Variants in COMMD1 observed in about 807,000 individuals in gnomAD.
COMMD1 encodes COMM domain-containing protein 1.
COMMD1 carries 10 observed loss-of-function variants against 17.2 expected under a neutral mutation model. The observed-to-expected ratio is 0.58, with a 90% confidence interval of 0.36 to 0.99. The LOEUF (loss-of-function observed/expected upper bound fraction) is 0.99, where lower values mean the gene tolerates loss of function less well. COMMD1 is among the 50% of genes least tolerant of loss of function. The pLI, the probability that COMMD1 is intolerant of heterozygous loss-of-function variation, is 0.01. For missense variants in COMMD1, 270 were observed against 231.8 expected (o/e 1.17, Z -1.07); for synonymous variants, 97 against 91.6 (o/e 1.06, Z -0.34).
intron 1 of COMMD1, among the ~76,000 whole-genome samples, chr2:61,981,456 T>C (rs1411221368): frequency 6.6e-6 from 1 of 152,198 alleles, no homozygotes; most frequent in Non-Finnish European, 1.5e-5. Flanking sequence ...TCACTGTACA[T>C]GGATGGATTT....
At chr2:62,020,100 T>C (rs1669570752) in intron 2 of COMMD1, among the ~76,000 whole-genome samples, 1 of 152,196 alleles carries the variant, frequency 6.6e-6, no homozygotes, top group Non-Finnish European at 1.5e-5. Flanking sequence ...ATGTATGTAG[T>C]TTCTTCAGCT....
intron 2 of COMMD1, among the ~76,000 whole-genome samples, chr2:62,126,015 GT>G (rs1672876138): frequency 1.3e-5 from 2 of 152,270 alleles, no homozygotes; most frequent in South Asian, 4.2e-4. Flanking sequence ...GTGAGAACAT[GT>G]GGTGTTTGGT....
chr2:62,051,440 A>G (rs1670530752), intron 2 of COMMD1, among the ~76,000 whole-genome samples: 1 of 152,144 alleles, frequency 6.6e-6, no homozygotes, highest in Admixed American at 6.5e-5. Context: ...GAAAACTAAT[A>G]TTTTTTCATA....
intron 1 of COMMD1, among the ~76,000 whole-genome samples, chr2:61,966,357 T>A (rs1671504574): frequency 6.6e-6 from 1 of 152,212 alleles, no homozygotes; most frequent in Non-Finnish European, 1.5e-5. Context: ...GGTGAGTCTG[T>A]CCTTGGCCAG....
chr2:62,016,119 C>A (rs1311886782), intron 2 of COMMD1, among the ~76,000 whole-genome samples: 1 of 152,038 alleles, frequency 6.6e-6, no homozygotes, highest in African/African-American at 2.4e-5. Context: ...ATGCGTGAGC[C>A]ACGATGCCCG....
At chr2:62,087,923 T>G (rs1203771990) in intron 2 of COMMD1, among the ~76,000 whole-genome samples, 1 of 152,192 alleles carries the variant, frequency 6.6e-6, no homozygotes, top group Non-Finnish European at 1.5e-5. Context: ...TGTCTCTACT[T>G]TTTCACTTCC....
At chr2:61,993,961 A>ATTCC (rs1031621409) in intron 1 of COMMD1, among the ~76,000 whole-genome samples, 58 of 151,932 alleles carry the variant, frequency 3.8e-4, no homozygotes, top group South Asian at 1.0e-3. Flanking sequence ...ATACAAAATA[A>ATTCC]TTCCTTCCTT....
intron 1 of COMMD1, among the ~76,000 whole-genome samples, chr2:61,892,715 A>T (rs991131904): frequency 5.3e-5 from 8 of 151,260 alleles, no homozygotes; most frequent in Non-Finnish European, 7.4e-5. Context: ...AAAAGAAAAG[A>T]AAAGAAGAGA....
intron 2 of COMMD1, among the ~76,000 whole-genome samples, chr2:62,071,610 C>T (rs6743108): frequency 0.38 from 57,416 of 151,932 alleles, 12,108 homozygotes; most frequent in African/African-American, 0.58. Context: ...GTTTAAACTA[C>T]TGTGTTCCAT....
chr2:61,904,281 GA>G (rs1483594775), upstream of COMMD1, among the ~76,000 whole-genome samples: 2 of 152,246 alleles, frequency 1.3e-5, no homozygotes, highest in African/African-American at 4.8e-5. Context: ...AAAGTGCTGG[GA>G]TTAGAGGCGT....
rs566114677 is a variant in COMMD1 at position 62,081,736 on chromosome 2, A to G, written c.463-54095A>G. On this transcript the variant is annotated intron_variant, in intron 2 of 2. Transcript: ENST00000311832. ...TATGATTTCCTTATCGATTTATAAA[A>G]GCTTTTTGAATTACAGGAATTTAAA... Among the ~76,000 whole-genome samples the G allele has an allele frequency of 2.6e-5, 4 of 152,274 alleles. No homozygotes were observed. The East Asian group carries it at 7.7e-4, about 29-fold the overall frequency.
intron 2 of COMMD1, among the ~76,000 whole-genome samples, chr2:62,075,414 C>G (rs555107745): frequency 4.6e-5 from 7 of 152,182 alleles, no homozygotes; most frequent in Non-Finnish European, 7.3e-5. Flanking sequence ...CTTCCTCACT[C>G]CCATCCTGCA....
intron 1 of COMMD1, among the ~76,000 whole-genome samples, chr2:61,910,251 G>GCC (rs147140838): frequency 3.4e-4 from 52 of 150,830 alleles, no homozygotes; most frequent in African/African-American, 1.2e-3. Context: ...GCTAAACACT[G>GCC]CCCCCCCCTT....
intron 2 of COMMD1, among the ~76,000 whole-genome samples, chr2:62,077,643 G>A (rs1355326724): frequency 1.3e-5 from 2 of 151,682 alleles, no homozygotes; most frequent in Non-Finnish European, 2.9e-5. Context: ...AACAAAAAGA[G>A]CCAAACTCTG....
At chr2:61,956,818 T>C (rs966087460) in intron 1 of COMMD1, among the ~76,000 whole-genome samples, 11 of 152,120 alleles carry the variant, frequency 7.2e-5, no homozygotes, top group African/African-American at 2.7e-4. Context: ...TGGTGCGATA[T>C]CAGCTCACTG....
At chr2:62,017,001 A>G (rs990153942) in intron 2 of COMMD1, among the ~76,000 whole-genome samples, 4 of 152,206 alleles carry the variant, frequency 2.6e-5, no homozygotes, top group African/African-American at 4.8e-5. Context: ...TTGTAAATTT[A>G]TCATGTTTCT....
At chr2:62,041,021 C>T (rs1431504900) in intron 2 of COMMD1, among the ~76,000 whole-genome samples, 1 of 152,114 alleles carries the variant, frequency 6.6e-6, no homozygotes, top group East Asian at 1.9e-4. Flanking sequence ...TTTTCTTGCC[C>T]ATTGGTCACT....
intron 2 of COMMD1, among the ~76,000 whole-genome samples, chr2:62,012,395 C>G (rs1002731694): frequency 6.6e-6 from 1 of 150,798 alleles, no homozygotes; most frequent in African/African-American, 2.4e-5. Flanking sequence ...TGGCTCTCAC[C>G]GCAATCTCTG....
intron 1 of COMMD1, among the ~76,000 whole-genome samples, chr2:61,987,462 T>C (rs1672135318): frequency 1.3e-5 from 2 of 152,224 alleles, no homozygotes; most frequent in Non-Finnish European, 2.9e-5. Context: ...TTGGTGGTCT[T>C]GGATAAGATC....
Sources: gnomAD v4.1 joint callset for allele counts (sites outside exome capture counted in the v4.1 genomes callset) on GRCh38, gnomAD v4.1.1 for gene constraint, MANE v1.5 for transcripts, NCBI Gene and HGNC (gene_info 2026-07-23, HGNC 2026-07-21) for gene names.